Variants in GABRB1 observed in about 807,000 individuals in gnomAD.
GABRB1 encodes gamma-aminobutyric acid receptor subunit beta-1.
A neutral mutation model predicts 51.6 loss-of-function variants in GABRB1; 17 were observed. The observed-to-expected ratio is 0.33, with a 90% CI of 0.23 to 0.49. The LOEUF is 0.49. GABRB1 is among the 20% of genes least tolerant of loss of function. GABRB1 has a pLI of 0.99. For synonymous variants in GABRB1, 247 were observed against 218.9 expected (o/e 1.13, Z -1.14); for missense variants, 410 against 600.6 (o/e 0.68, Z 3.32).
chr4:47,326,756 G>T (rs1450153956), intron 5 of GABRB1, among the ~76,000 whole-genome samples: 1 of 152,144 alleles, frequency 6.6e-6, no homozygotes, highest in Non-Finnish European at 1.5e-5. Flanking sequence ...CCAGTACATT[G>T]ATCTTAGACT....
Position 47,245,751 on chromosome 4 carries a change from C to A in GABRB1, c.462-74376C>A, listed in dbSNP as rs146949839. 2.0e-5 allele frequency among the ~76,000 whole-genome samples: 3 copies of A among 151,864 alleles called. No homozygotes were observed. In the East Asian group the frequency reaches 5.8e-4, roughly 29 times the overall value. On this transcript the variant is annotated intron_variant, in intron 4 of 8. Coordinates refer to ENST00000295454, the MANE Select transcript of GABRB1 (RefSeq NM_000812.4). ...ACCAGAGTACTGTGTTCAGTTTAAA[C>A]CACCATATTTTTACATTTGAGAGAA...
At chr4:47,296,569 T>C (rs1724002673) in intron 4 of GABRB1, among the ~76,000 whole-genome samples, 1 of 152,180 alleles carries the variant, frequency 6.6e-6, no homozygotes, top group Non-Finnish European at 1.5e-5. Context: ...CTATCCTAAA[T>C]ATATATGCAC....
intron 8 of GABRB1, among the ~76,000 whole-genome samples, chr4:47,415,873 T>C (rs1039828186): frequency 6.6e-6 from 1 of 152,234 alleles, no homozygotes; most frequent in East Asian, 1.9e-4. Flanking sequence ...CTAGACATTC[T>C]AGCCACCTCT....
intron 5 of GABRB1, among the ~76,000 whole-genome samples, chr4:47,396,696 G>T (rs55988607): frequency 1.3e-5 from 2 of 152,038 alleles, no homozygotes; most frequent in African/African-American, 4.8e-5. Flanking sequence ...CTTAAAATAG[G>T]AGTTGCTTGG....
intron 4 of GABRB1, among the ~76,000 whole-genome samples, chr4:47,286,940 C>A (rs1054228338): frequency 1.3e-5 from 2 of 152,168 alleles, no homozygotes; most frequent in Admixed American, 6.5e-5. Flanking sequence ...AATTCTGACC[C>A]CGCATGTGCT....
At chr4:47,264,419 C>T (rs1312066618) in intron 4 of GABRB1, among the ~76,000 whole-genome samples, 1 of 152,196 alleles carries the variant, frequency 6.6e-6, no homozygotes. Context: ...AAATGTAAGC[C>T]TACATAGTCT....
chr4:47,324,976 C>G (rs1725207206), intron 5 of GABRB1, among the ~76,000 whole-genome samples: 1 of 152,202 alleles, frequency 6.6e-6, no homozygotes, highest in Non-Finnish European at 1.5e-5. Flanking sequence ...CTCCCCCGCT[C>G]TATTGCCACC....
In GABRB1 at chr4:47,358,762, C is replaced by T. The variant is rs189343024; in HGVS notation, c.544+38553C>T. ...TAGCGGTAGAGAAAACACAATTCAGCCCATAACAGTAGTAATTTCAATGAA... is the reference window on the plus strand; with the variant it reads ...TAGCGGTAGAGAAAACACAATTCAGTCCATAACAGTAGTAATTTCAATGAA... On this transcript the variant is annotated intron_variant, in intron 5 of 8. Coordinates refer to ENST00000295454, the MANE Select transcript of GABRB1 (RefSeq NM_000812.4). 3.8e-3 allele frequency among the ~76,000 whole-genome samples: 575 copies of T among 152,176 alleles called. 7 individuals are homozygous for T. Among genetic ancestry groups the T allele is most frequent in the African/African-American group, 6.5e-3 (268 of 41,532 alleles).
At chr4:47,063,855 G>A (rs34809102) in intron 3 of GABRB1, among the ~76,000 whole-genome samples, 16,011 of 151,906 alleles carry the variant, frequency 0.11, 1,300 homozygotes, top group East Asian at 0.28. Context: ...TGGACATGGC[G>A]GGGGAACAAC....
intron 4 of GABRB1, among the ~76,000 whole-genome samples, chr4:47,291,259 G>A (rs534719152): frequency 5.1e-4 from 78 of 152,304 alleles, no homozygotes; most frequent in African/African-American, 1.7e-3. Context: ...TCCATGTGGT[G>A]TTGAGCCGGC....
chr4:47,182,944 A>G (rs1247897347), intron 4 of GABRB1, among the ~76,000 whole-genome samples: 1 of 152,020 alleles, frequency 6.6e-6, no homozygotes, highest in East Asian at 1.9e-4. Flanking sequence ...CCATATGCCA[A>G]TTGTTTATTT....
In GABRB1 at chr4:47,234,283, T is replaced by A. The variant is rs139439187; in HGVS notation, c.461+72814T>A. The stretch of plus-strand genomic sequence containing the variant: ...CGGGTGGATCACCTGAGGTCAGGAG[T>A]TCGAGACCAGTCTGACTAACATGAA... On this transcript the variant is annotated intron_variant, in intron 4 of 8. Coordinates refer to ENST00000295454, the MANE Select transcript of GABRB1 (RefSeq NM_000812.4). Among the ~76,000 whole-genome samples, 543 of 152,036 alleles carry A rather than the reference T, an allele frequency of 3.6e-3. 5 individuals are homozygous for A. Among genetic ancestry groups the A allele is most frequent in the Non-Finnish European group, 5.1e-3 (350 of 67,972 alleles).
chr4:47,196,481 T>C (rs775764965), intron 4 of GABRB1, among the ~76,000 whole-genome samples: 5 of 152,136 alleles, frequency 3.3e-5, no homozygotes, highest in Non-Finnish European at 7.3e-5. Flanking sequence ...ACGGCCCTTG[T>C]AGAACATGGA....
intron 4 of GABRB1, among the ~76,000 whole-genome samples, chr4:47,312,443 G>A (rs1342245741): frequency 6.6e-6 from 1 of 152,054 alleles, no homozygotes; most frequent in Non-Finnish European, 1.5e-5. Flanking sequence ...GTACTCTTTA[G>A]TCATAACTTA....
At chr4:47,300,391 A>C (rs1490790500) in intron 4 of GABRB1, among the ~76,000 whole-genome samples, 1 of 152,190 alleles carries the variant, frequency 6.6e-6, no homozygotes, top group East Asian at 1.9e-4. Flanking sequence ...AAGCTGACAT[A>C]TCACAAAACG....
chr4:46,993,651 T>A, upstream of GABRB1: 1 of 555,028 alleles, frequency 1.8e-6, no homozygotes, highest in Non-Finnish European at 3.3e-6. Flanking sequence ...GCGCTCAATG[T>A]GTATGTAGAG....
At position 47,062,444 on chromosome 4, in the gene GABRB1, C is replaced by CATAT. The variant is rs67644869; in HGVS notation, c.240+29973_240+29976dup. The stretch of plus-strand genomic sequence containing the variant: ...ACAATGTTCTTTGGTTATATATTTT[C>CATAT]ATATATATATATATATTTAAATGTT... On this transcript the variant is annotated intron_variant, in intron 3 of 8. Transcript: ENST00000295454. Among the ~76,000 whole-genome samples the CATAT allele has an allele frequency of 8.0e-4, 119 of 148,076 alleles. 1 individual carries two copies. The highest frequency in any genetic ancestry group is 3.5e-3 in the East Asian group (18 of 5,110).
At position 47,403,425 on chromosome 4, in the gene GABRB1, A is replaced by G; in HGVS notation, c.652A>G (p.Met218Val). ...LPQFSIVDYK[M>V]VSKKVEFTTG... ...TCAATTTTCAATTGTTGACTACAAG[A>G]TGGTGTCTAAGAAGGTGGAGTTCAC... The change falls in exon 6 of 9, where the codon ATG becomes GTG. Residue 218 changes from methionine to valine, a missense_variant. Physicochemically the swap from Met to Val is conservative, Grantham distance 21. Coordinates refer to ENST00000295454, the MANE Select transcript of GABRB1 (RefSeq NM_000812.4). The G allele has an allele frequency of 6.2e-7, 1 of 1,614,068 alleles. No individual in the cohort carries two copies. The highest frequency in any genetic ancestry group is 8.5e-7 in the Non-Finnish European group (1 of 1,179,946).
intron 5 of GABRB1, among the ~76,000 whole-genome samples, chr4:47,344,637 A>C (rs192880859): frequency 6.6e-6 from 1 of 151,886 alleles, no homozygotes. Flanking sequence ...CATTTTTTTA[A>C]AAAAAATCTT....
Sources: gnomAD v4.1 joint callset for allele counts (sites outside exome capture counted in the v4.1 genomes callset) on GRCh38, gnomAD v4.1.1 for gene constraint, MANE v1.5 for transcripts, NCBI Gene and HGNC (gene_info 2026-07-23, HGNC 2026-07-21) for gene names.